Variants in PRKN observed in about 807,000 individuals in gnomAD.
PRKN encodes the protein parkin RBR E3 ubiquitin protein ligase.
In PRKN, 56 loss-of-function variants were observed where a neutral mutation model predicts 59.5. The observed-to-expected ratio is 0.94, with a 90% CI of 0.76 to 1.18. PRKN has a LOEUF of 1.18. Ranked by LOEUF, PRKN falls within the 50% of genes most tolerant of loss-of-function variation. PRKN has a pLI of 0.00. For synonymous variants in PRKN, 250 were observed against 222.1 expected, an observed-to-expected ratio of 1.13 and a Z score of -1.12; for missense variants, 657 against 596.4, an observed-to-expected ratio of 1.10 and a Z score of -1.06.
At chr6:161,765,545 A>G (rs1789389016) in intron 7 of PRKN, among the ~76,000 whole-genome samples, 1 of 152,242 alleles carries the variant, frequency 6.6e-6, no homozygotes. Flanking sequence ...AGCATACTTT[A>G]TAGGTAATTA....
At chr6:161,392,100 A>G (rs190678285) in intron 9 of PRKN, among the ~76,000 whole-genome samples, 78 of 152,058 alleles carry the variant, frequency 5.1e-4, no homozygotes, top group Non-Finnish European at 9.0e-4. Flanking sequence ...TAAAGCTCCT[A>G]TAGAAACAAA....
chr6:162,126,093 A>G (rs1781115240), intron 4 of PRKN, among the ~76,000 whole-genome samples: 1 of 152,192 alleles, frequency 6.6e-6, no homozygotes, highest in African/African-American at 2.4e-5. Flanking sequence ...ACATAATAAT[A>G]TTTTTGGGTG....
intron 4 of PRKN, among the ~76,000 whole-genome samples, chr6:162,159,625 A>G (rs1782672252): frequency 6.6e-6 from 1 of 152,214 alleles, no homozygotes; most frequent in Non-Finnish European, 1.5e-5. Flanking sequence ...TCATAAGGGA[A>G]TAAAAAGGAC....
intron 6 of PRKN, among the ~76,000 whole-genome samples, chr6:161,786,689 A>C (rs1440749805): frequency 6.6e-6 from 1 of 152,162 alleles, no homozygotes; most frequent in Admixed American, 6.5e-5. Flanking sequence ...ATTGCATCAA[A>C]GTAAAAACGT....
At chr6:161,974,302 C>T (rs1252661789) in intron 5 of PRKN, among the ~76,000 whole-genome samples, 1 of 152,130 alleles carries the variant, frequency 6.6e-6, no homozygotes, top group African/African-American at 2.4e-5. Context: ...GAGTCTGCCC[C>T]TTTTCTGCCT....
chr6:161,357,984 G>A lies in PRKN; in HGVS notation c.1285+2104C>T, dbSNP rs191136305. Among the ~76,000 whole-genome samples the A allele has an allele frequency of 3.4e-4, 52 of 152,260 alleles. No homozygotes were observed. The highest frequency in any genetic ancestry group is 1.0e-3 in the South Asian group (5 of 4,814). On this transcript the variant is annotated intron_variant, in intron 11 of 11. Transcript: ENST00000366898. The surrounding 1 kb of genome is among the most constrained non-coding windows in gnomAD (Gnocchi z 5.5). ...CTAACTCCTGCAACACTGCAGTGCC[G>A]GGCTGTGTGAAGCTTTACCACCGAT... is the stretch of plus-strand genomic sequence containing the variant.
At chr6:161,931,257 G>A (rs1273584159) in intron 6 of PRKN, among the ~76,000 whole-genome samples, 4 of 152,036 alleles carry the variant, frequency 2.6e-5, no homozygotes, top group Non-Finnish European at 4.4e-5. Context: ...TCAACATGGC[G>A]AAACCCTGTC....
intron 4 of PRKN, among the ~76,000 whole-genome samples, chr6:162,059,433 T>C (rs1778004273): frequency 6.6e-6 from 1 of 152,222 alleles, no homozygotes; most frequent in South Asian, 2.1e-4. Context: ...ACAAAGCAGA[T>C]TTAACTGTGC....
At chr6:162,382,635 A>G (rs994791964) in intron 2 of PRKN, among the ~76,000 whole-genome samples, 3 of 152,200 alleles carry the variant, frequency 2.0e-5, no homozygotes, top group African/African-American at 2.4e-5. Context: ...CTGACTGACT[A>G]GGATGGTGGT....
chr6:162,467,282 G>C (rs1466897383), intron 1 of PRKN, among the ~76,000 whole-genome samples: 4 of 151,976 alleles, frequency 2.6e-5, no homozygotes, highest in African/African-American at 9.7e-5. Context: ...CCCAATGTCT[G>C]GCACATACTA....
chr6:162,186,093 T>C (rs1784018097), intron 4 of PRKN, among the ~76,000 whole-genome samples: 1 of 152,090 alleles, frequency 6.6e-6, no homozygotes, highest in Non-Finnish European at 1.5e-5. Flanking sequence ...ATTCCCAACC[T>C]TACCCAATTC....
At chr6:161,782,537 T>G (rs1309746330) in intron 7 of PRKN, among the ~76,000 whole-genome samples, 1 of 152,150 alleles carries the variant, frequency 6.6e-6, no homozygotes, top group Non-Finnish European at 1.5e-5. Flanking sequence ...TATAGCATGT[T>G]TTGTAGCTTT....
chr6:162,178,866 C>T lies in PRKN; in HGVS notation c.534+22265G>A, dbSNP rs917716700. 3.3e-5 allele frequency among the ~76,000 whole-genome samples: 5 copies of T among 152,022 alleles called. No individual in the cohort carries two copies. The South Asian group carries it at 6.2e-4, about 19-fold the overall frequency. The stretch of plus-strand genomic sequence containing the variant: ...ATCATCTCTTCCTCATCAGTGTTTT[C>T]GCTTGTTTGCTTGTTTGTTTTGAGT... On this transcript the variant is annotated intron_variant, in intron 4 of 11. Transcript: ENST00000366898.
At chr6:162,586,361 T>C (rs150353388) in intron 1 of PRKN, among the ~76,000 whole-genome samples, 1 of 152,328 alleles carries the variant, frequency 6.6e-6, no homozygotes, top group East Asian at 1.9e-4. Context: ...GAAACTAAAA[T>C]GTACTCTGCT....
intron 9 of PRKN, among the ~76,000 whole-genome samples, chr6:161,501,774 G>T (rs976558978): frequency 6.6e-6 from 1 of 152,094 alleles, no homozygotes; most frequent in African/African-American, 2.4e-5. Flanking sequence ...AGGCTCAGTG[G>T]CTTCTTGAGC....
intron 1 of PRKN, among the ~76,000 whole-genome samples, chr6:162,493,964 A>C (rs1792936723): frequency 6.6e-6 from 1 of 152,204 alleles, no homozygotes; most frequent in African/African-American, 2.4e-5. Context: ...CCCACTCTGC[A>C]ATGTGGTGAC....
intron 2 of PRKN, among the ~76,000 whole-genome samples, chr6:162,310,633 A>G (rs1276327250): frequency 1.3e-5 from 2 of 152,064 alleles, no homozygotes; most frequent in Middle Eastern, 3.2e-3. Flanking sequence ...ATTAGGAGAT[A>G]TACCTAATGT....
At chr6:161,790,536 A>G (rs1790596418) in intron 6 of PRKN, among the ~76,000 whole-genome samples, 1 of 152,160 alleles carries the variant, frequency 6.6e-6, no homozygotes, top group South Asian at 2.1e-4. Flanking sequence ...GAATGGTGTG[A>G]GAGAAGAGCC....
intron 1 of PRKN, among the ~76,000 whole-genome samples, chr6:162,603,052 T>A (rs1191674207): frequency 6.6e-6 from 1 of 152,158 alleles, no homozygotes; most frequent in African/African-American, 2.4e-5. Context: ...TGCCAACTTT[T>A]AGTTTTCACA....
Sources: gnomAD v4.1 joint callset for allele counts (sites outside exome capture counted in the v4.1 genomes callset) on GRCh38, gnomAD v4.1.1 for gene constraint, Gnocchi (gnomAD v3.1) non-coding constraint, MANE v1.5 for transcripts, NCBI Gene and HGNC (gene_info 2026-07-23, HGNC 2026-07-21) for gene names.